MSH6: variants seen among roughly 807,000 people sequenced by gnomAD.
The protein encoded by MSH6 is DNA mismatch repair protein Msh6.
MSH6 carries 85 observed loss-of-function variants against 119.1 expected under a neutral mutation model. That is an observed-to-expected ratio of 0.71 (90% CI 0.60 to 0.85). MSH6 has a LOEUF of 0.85. Among genes scored for constraint, MSH6 ranks in the 40% least tolerant of loss-of-function variants. The probability of loss-of-function intolerance (pLI) is 0.00; values close to 1 mark genes in which losing one functional copy is unlikely to be tolerated. For synonymous variants in MSH6, 830 were observed against 586.9 expected (o/e 1.41, Z -5.99); for missense variants, 2,163 against 1,655.3 (o/e 1.31, Z -5.32).
chr2:47,806,372 G>GT lies in MSH6; in HGVS notation c.3801+21dup, dbSNP rs747031075. ...CTAGGACATATGGTATGTGCAAATT[G>GT]TTTTTTTCCACAAATTCGGTTTTTT... On this transcript the variant is annotated intron_variant, in intron 8 of 9. Coordinates refer to ENST00000234420, the MANE Select transcript of MSH6 (RefSeq NM_000179.3). 2.0e-5 allele frequency: 33 copies of GT among 1,613,732 alleles called. No individual in the cohort carries two copies. The highest frequency in any genetic ancestry group is 1.7e-4 in the African/African-American group (13 of 74,882).
chr2:47,808,301 TA>T (rs776128333), downstream of MSH6: 4 of 1,612,252 alleles, frequency 2.5e-6, no homozygotes, highest in East Asian at 8.9e-5. Flanking sequence ...AGTAATTGGG[TA>T]ATATATCAAG....
Position 47,795,926 on chromosome 2 carries a change from C to T in MSH6, c.490C>T (p.His164Tyr), listed in dbSNP as rs568685193. ...SKSKEAQKGG[H>Y]FYSAKPEILR... ...ATCAAAGGAAGCCCAGAAGGGAGGT[C>T]ATTTTTACAGTGCAAAGCCTGAAAT... is the stretch of plus-strand genomic sequence containing the variant. Residue 164 changes from histidine (H) to tyrosine (Y), a missense_variant, in exon 3 of 10, where the codon CAT (histidine) becomes TAT (tyrosine). Physicochemically the swap from His to Tyr is moderately conservative, Grantham distance 83. Transcript: ENST00000234420. 1 of 1,614,108 alleles carries T rather than the reference C, an allele frequency of 6.2e-7. No homozygotes were observed. The highest frequency in any genetic ancestry group is 1.7e-5 in the Admixed American group (1 of 60,020).
chr2:47,807,048 CTA>C (rs774349290), downstream of MSH6: 3 of 602,340 alleles, frequency 5.0e-6, no homozygotes, highest in Non-Finnish European at 8.7e-6. Flanking sequence ...TATATTAAGT[CTA>C]GATGTTATGG....
downstream of MSH6, chr2:47,809,887 CTA>C (rs772733699): frequency 1.8e-6 from 1 of 544,698 alleles, no homozygotes; most frequent in Non-Finnish European, 3.2e-6. Flanking sequence ...TTATCAATGA[CTA>C]TGGTCAAAAC....
At chr2:47,792,187 C>T (rs1668772757) in intron 2 of MSH6, among the ~76,000 whole-genome samples, 1 of 152,160 alleles carries the variant, frequency 6.6e-6, no homozygotes, top group Non-Finnish European at 1.5e-5. Context: ...CGGGGTTTCA[C>T]CATGTTGGCC....
intron 1 of MSH6, among the ~76,000 whole-genome samples, chr2:47,786,337 A>ATT (rs111440524): frequency 2.1e-5 from 3 of 144,206 alleles, no homozygotes; most frequent in East Asian, 2.0e-4. Context: ...TGTTGAGCGT[A>ATT]TTTTTTTTTT....
In MSH6 at chr2:47,803,506, C is replaced by T. The variant is rs63750998; in HGVS notation, c.3259C>T (p.Pro1087Ser). The T allele has an allele frequency of 2.1e-4, 336 of 1,614,002 alleles. No homozygotes were observed. Among genetic ancestry groups the T allele is most frequent in the Non-Finnish European group, 2.8e-4 (326 of 1,180,040 alleles). ...AATTCTGTTGCCGGAAGATACCCCC[C>T]CCTTCTTAGAGCTTAAAGGATCACG... is the stretch of plus-strand genomic sequence containing the variant. ...PVILLPEDTP[P>S]FLELKGSRHP... The change falls in exon 5 of 10, where the codon CCC (proline) becomes TCC (serine). Residue 1087 changes from proline (P) to serine (S), a missense_variant. Physicochemically the swap from Pro to Ser is moderately conservative, Grantham distance 74 (BLOSUM62 -1). Coordinates refer to ENST00000234420, the MANE Select transcript of MSH6 (RefSeq NM_000179.3).
At chr2:47,809,140 A>T, downstream of MSH6, 1 of 1,438,588 alleles carries the variant, frequency 7.0e-7, no homozygotes, top group South Asian at 1.2e-5. Flanking sequence ...TCAGGACTCA[A>T]ATATATTTCT....
chr2:47,787,338 G>T (rs1668407234), intron 1 of MSH6, among the ~76,000 whole-genome samples: 1 of 152,098 alleles, frequency 6.6e-6, no homozygotes, highest in African/African-American at 2.4e-5. Context: ...TATATTTTAG[G>T]AACAACTAGT....
Position 47,800,870 on chromosome 2 carries a change from G to T in MSH6, c.2887G>T (p.Gly963Cys), listed in dbSNP as rs2104428845. ...EYLEKQRNRI[G>C]CRTIVYWGIG... ...CCTAGAGAAACAGCGCAACAGAATT[G>T]GCTGTAGGACCATAGTCTATTGGGG... is the stretch of plus-strand genomic sequence containing the variant. Residue 963 changes from glycine (G) to cysteine (C), a missense_variant, in exon 4 of 10, where the codon GGC (glycine) becomes TGC (cysteine). Transcript: ENST00000234420. 6.2e-7 allele frequency: 1 copy of T among 1,613,692 alleles called. No individual in the cohort carries two copies.
At chr2:47,801,896 G>A (rs1424302095) in intron 4 of MSH6, among the ~76,000 whole-genome samples, 1 of 152,108 alleles carries the variant, frequency 6.6e-6, no homozygotes, top group East Asian at 1.9e-4. Context: ...TGATCCTCCA[G>A]TCTCCCAAAA....
chr2:47,804,407 C>T (rs1320790486), intron 5 of MSH6, among the ~76,000 whole-genome samples: 2 of 151,986 alleles, frequency 1.3e-5, no homozygotes, highest in Non-Finnish European at 2.9e-5. Context: ...TGGCTGGTCC[C>T]CGCTGCTCTC....
chr2:47,806,160 T>G, intron 7 of MSH6, 44 bp from the exon 8 acceptor site: 1 of 1,596,850 alleles, frequency 6.3e-7, no homozygotes, highest in Non-Finnish European at 8.6e-7. Context: ...TTTTTTGTTT[T>G]AATTCCTTTG....
chr2:47,802,925 G>GT (rs1558386199), intron 4 of MSH6, among the ~76,000 whole-genome samples: 4 of 151,930 alleles, frequency 2.6e-5, no homozygotes, highest in South Asian at 2.1e-4. Context: ...GTTTTGTTTT[G>GT]TTTTTTGAGA....
In MSH6 at chr2:47,805,658, C is replaced by T. The variant is rs1669963060; in HGVS notation, c.3597C>T (p.Ser1199=). Residue 1199 remains serine (S), a synonymous_variant, in exon 7 of 10, where the codon AGC becomes AGT. Coordinates refer to ENST00000234420, the MANE Select transcript of MSH6 (RefSeq NM_000179.3). ...TFFVELSETA[S]ILMHATAHSL... The stretch of plus-strand genomic sequence containing the variant: ...TTGTTGAATTAAGTGAAACTGCCAG[C>T]ATACTCATGCATGCAACAGCACATT... The T allele has an allele frequency of 6.2e-7, 1 of 1,613,208 alleles. No homozygotes were observed. Among genetic ancestry groups the T allele is most frequent in the Admixed American group, 1.7e-5 (1 of 59,958 alleles).
At chr2:47,791,492 A>G (rs1668727717) in intron 2 of MSH6, among the ~76,000 whole-genome samples, 1 of 152,064 alleles carries the variant, frequency 6.6e-6, no homozygotes, top group Admixed American at 6.6e-5. Flanking sequence ...GATGCGCACT[A>G]CCTGGCCTTC....
At chr2:47,787,685 C>G in intron 1 of MSH6, among the ~76,000 whole-genome samples, 1 of 151,722 alleles carries the variant, frequency 6.6e-6, no homozygotes, top group Non-Finnish European at 1.5e-5. Flanking sequence ...TGGCAGATCT[C>G]GGTTCACTGC....
At chr2:47,787,160 G>A (rs985482561) in intron 1 of MSH6, among the ~76,000 whole-genome samples, 1 of 152,124 alleles carries the variant, frequency 6.6e-6, no homozygotes, top group African/African-American at 2.4e-5. Context: ...ATGGTGGCGT[G>A]TGCCTGTAGT....
chr2:47,785,517 C>T (rs3136243), intron 1 of MSH6, among the ~76,000 whole-genome samples: 11,089 of 151,664 alleles, frequency 0.073, 575 homozygotes, highest in Non-Finnish European at 0.11. Context: ...CGTGCCCGGC[C>T]GCTAGTTAGT....
Sources: allele counts gnomAD v4.1 joint callset (sites outside exome capture counted in the v4.1 genomes callset), GRCh38; gene constraint gnomAD v4.1.1; transcripts MANE v1.5; gene names NCBI Gene and HGNC (gene_info 2026-07-23, HGNC 2026-07-21).